The following OTOA variants were observed in gnomAD, a reference collection of about 807,000 sequenced individuals.
The protein encoded by OTOA is otoancorin.
Under a neutral mutation model 110.8 loss-of-function variants are expected in OTOA, and 70 were observed. That is an observed-to-expected ratio of 0.63 (90% confidence interval 0.52 to 0.77). The LOEUF is 0.77. Ranked by LOEUF, OTOA falls within the 30% of genes least tolerant of loss-of-function variation. OTOA has a pLI of 0.00. For missense variants in OTOA, 917 were observed against 1,075.8 expected (o/e 0.85, Z 2.06); for synonymous variants, 373 against 431.5 (o/e 0.86, Z 1.68).
intron 1 of OTOA, among the ~76,000 whole-genome samples, chr16:21,668,272 C>A (rs1726614441): frequency 6.6e-6 from 1 of 151,934 alleles, no homozygotes; most frequent in African/African-American, 2.4e-5. Flanking sequence ...CCACGCCAGG[C>A]TAAATTTTAA....
At position 21,723,027 on chromosome 16, in the gene OTOA, G is replaced by A. The variant is rs139457353; in HGVS notation, c.1880+49G>A. 1.8e-3 allele frequency: 2,779 copies of A among 1,578,186 alleles called. 30 individuals carry two copies. In the Middle Eastern group the frequency reaches 0.029, roughly 16 times the overall value. On this transcript the variant is annotated intron_variant, in intron 18 of 28. Coordinates refer to ENST00000646100, the MANE Select transcript of OTOA (RefSeq NM_144672.4). ...TTCTGGCTCATCAGTGAGATCGGTG[G>A]GAATCACTGAAGTCAAAATGATTCT...
At chr16:21,702,582 A>G (rs765574830) in intron 11 of OTOA, among the ~76,000 whole-genome samples, 10 of 152,146 alleles carry the variant, frequency 6.6e-5, no homozygotes, top group Non-Finnish European at 1.3e-4. Flanking sequence ...CCATCTGTAA[A>G]ATGGGAGATA....
chr16:21,716,943 G>C lies in OTOA; in HGVS notation c.1525G>C (p.Glu509Gln). The change falls in exon 15 of 29, where the codon GAG becomes CAG. Residue 509 changes from glutamate (E) to glutamine (Q), a missense_variant. Around this residue, in one of 6 missense-constraint regions of OTOA, gnomAD observed 840 missense variants for 910.2 expected, o/e 0.92. Transcript: ENST00000646100. ...QAEDTAPGIV[E>Q]IQGAFFKEVS... is the part of the protein sequence containing the mutation. The stretch of plus-strand genomic sequence containing the variant: ...GGAAGACACTGCCCCAGGCATCGTG[G>C]AGATACAAGGGGCTTTCTTTAAGGA... 1 of 1,613,998 alleles carries C rather than the reference G, an allele frequency of 6.2e-7. No homozygotes were observed.
chr16:21,680,011 A>G (rs967311359), intron 5 of OTOA, among the ~76,000 whole-genome samples: 1 of 152,110 alleles, frequency 6.6e-6, no homozygotes, highest in African/African-American at 2.4e-5. Flanking sequence ...AAACAATTCT[A>G]ATATGATGAG....
At chr16:21,690,667 C>T (rs1897811136) in intron 8 of OTOA, among the ~76,000 whole-genome samples, 1 of 152,006 alleles carries the variant, frequency 6.6e-6, no homozygotes, top group Non-Finnish European at 1.5e-5. Context: ...GTGCATTTAT[C>T]TTTGTGACAG....
At chr16:21,697,726 G>T (rs760351723) in intron 9 of OTOA, 49 bp from the exon 10 acceptor site, 1 of 1,519,030 alleles carries the variant, frequency 6.6e-7, no homozygotes, top group East Asian at 2.3e-5. Context: ...CAGTGTAAAG[G>T]CTTTTATTTA....
At chr16:21,666,581 C>G (rs1248784576) in intron 1 of OTOA, among the ~76,000 whole-genome samples, 3 of 152,096 alleles carry the variant, frequency 2.0e-5, no homozygotes, top group African/African-American at 7.2e-5. Flanking sequence ...CTTGCACATC[C>G]AAACATTCAT....
In OTOA at chr16:21,695,321, G is replaced by A. The variant is rs538508155; in HGVS notation, c.740-2454G>A. Among the ~76,000 whole-genome samples the A allele has an allele frequency of 2.4e-3, 363 of 151,256 alleles. 2 individuals are homozygous for A. Among genetic ancestry groups the A allele is most frequent in the Non-Finnish European group, 4.4e-3 (296 of 67,836 alleles). On this transcript the variant is annotated intron_variant, in intron 9 of 28. Coordinates refer to ENST00000646100, the MANE Select transcript of OTOA (RefSeq NM_144672.4). Reference sequence around the variant, plus strand: ...TAGGGAGGCTGAGGCAGGAGTTTGAGGCTTCAGTGAGCTATGATCATCCAA... The same window carrying A: ...TAGGGAGGCTGAGGCAGGAGTTTGAAGCTTCAGTGAGCTATGATCATCCAA...
At chr16:21,721,232 T>C (rs1321024733) in intron 17 of OTOA, 2 of 371,052 alleles carry the variant, frequency 5.4e-6, no homozygotes, top group Admixed American at 5.7e-5. Context: ...ACATAATTAT[T>C]ACACACACAC....
rs759207766 is a variant in OTOA at position 21,710,015 on chromosome 16, A to C, written c.1232A>C (p.His411Pro). The C allele has an allele frequency of 6.2e-7, 1 of 1,614,076 alleles. No individual in the cohort carries two copies. Among genetic ancestry groups the C allele is most frequent in the Non-Finnish European group, 8.5e-7 (1 of 1,179,992 alleles). Reference sequence around the variant, plus strand: ...GAATCCCTCTCCCCCGAGGCTGTGCACGGAGCCATCTCCACCCTCAACCAG... The same window carrying C: ...GAATCCCTCTCCCCCGAGGCTGTGCCCGGAGCCATCTCCACCCTCAACCAG... The part of the protein sequence containing the change: ...QLESLSPEAV[H>P]GAISTLNQVS... The change falls in exon 13 of 29, where the codon CAC becomes CCC. Residue 411 changes from histidine to proline, a missense_variant. His to Pro is a moderately conservative substitution (Grantham distance 77). This residue lies in a region of OTOA where 840 missense variants were observed against 910.2 expected (regional missense o/e 0.92). Coordinates refer to ENST00000646100, the MANE Select transcript of OTOA (RefSeq NM_144672.4).
At chr16:21,708,879 C>T (rs182555222) in intron 12 of OTOA, among the ~76,000 whole-genome samples, 1 of 152,246 alleles carries the variant, frequency 6.6e-6, no homozygotes, top group East Asian at 1.9e-4. Flanking sequence ...CTGTAACGCA[C>T]ACTTTACTAT....
chr16:21,707,546 CT>C (rs1314204958), intron 12 of OTOA, among the ~76,000 whole-genome samples: 3 of 151,170 alleles, frequency 2.0e-5, no homozygotes, highest in Non-Finnish European at 2.9e-5. Context: ...CCTTCCTTCC[CT>C]CCCTTCCTCC....
intron 13 of OTOA, among the ~76,000 whole-genome samples, chr16:21,714,251 T>TTTTC (rs5816158): frequency 2.5e-4 from 34 of 133,786 alleles, no homozygotes; most frequent in African/African-American, 7.1e-4. Context: ...TTTCTTTCTT[T>TTTTC]TTTCTTTCTT....
At chr16:21,682,535 G>A (rs1167687483) in intron 6 of OTOA, among the ~76,000 whole-genome samples, 1 of 152,232 alleles carries the variant, frequency 6.6e-6, no homozygotes, top group Non-Finnish European at 1.5e-5. Context: ...GCACAAGCGT[G>A]TTGATAGGTG....
intron 10 of OTOA, 143 bp from the exon 11 acceptor site, chr16:21,700,745 G>C (rs1036256043): frequency 1.2e-6 from 1 of 835,626 alleles, no homozygotes; most frequent in Non-Finnish European, 1.8e-6. Flanking sequence ...AAAAAGAAAA[G>C]AAAAAAAGAC....
At chr16:21,719,639 A>C in intron 17 of OTOA, 135 bp downstream of exon 17, 1 of 884,050 alleles carries the variant, frequency 1.1e-6, no homozygotes, top group East Asian at 2.4e-5. Flanking sequence ...CCAAAGATTG[A>C]GCCAGGTTTT....
intron 11 of OTOA, among the ~76,000 whole-genome samples, chr16:21,704,023 T>G (rs979799409): frequency 3.3e-5 from 5 of 152,274 alleles, no homozygotes; most frequent in African/African-American, 1.2e-4. Flanking sequence ...GAACTGTGTA[T>G]AGCGGCCTCA....
rs117893004 is a variant in OTOA, at chr16:21,724,784, T to A, written c.1881-1739T>A. Among the ~76,000 whole-genome samples, 330 of 152,144 alleles carry A rather than the reference T, an allele frequency of 2.2e-3. 1 individual carries two copies. The highest frequency in any genetic ancestry group is 5.1e-3 in the African/African-American group (213 of 41,504). ...ACATTAATTAATTAATTAATTAATT[T>A]ATTTATTTTTGAGACAGAGTCTCCC... is the stretch of plus-strand genomic sequence containing the variant. On this transcript the variant is annotated intron_variant, in intron 18 of 28. Transcript: ENST00000646100.
At chr16:21,697,618 T>C (rs781386446) in intron 9 of OTOA, among the ~76,000 whole-genome samples, 157 bp from the exon 10 acceptor site, 7 of 151,950 alleles carry the variant, frequency 4.6e-5, no homozygotes, top group Non-Finnish European at 8.8e-5. Flanking sequence ...GGCAACAGAG[T>C]GAGATTCTGT....
Sources: gnomAD v4.1 joint callset for allele counts (sites outside exome capture counted in the v4.1 genomes callset) on GRCh38, gnomAD v4.1.1 for gene constraint, gnomAD v4.1.1 regional missense constraint, MANE v1.5 for transcripts, NCBI Gene and HGNC (gene_info 2026-07-23, HGNC 2026-07-21) for gene names.